CCPG1: variants seen among roughly 807,000 people sequenced by gnomAD.
CCPG1 encodes the protein cell cycle progression 1.
CCPG1 carries 46 observed loss-of-function variants against 81.3 expected under a neutral mutation model. The ratio of observed to expected loss-of-function variants is 0.57; its 90% CI spans 0.45 to 0.72. CCPG1 has a LOEUF of 0.72. CCPG1 is among the 30% of genes least tolerant of loss of function. CCPG1 has a pLI of 0.00. For synonymous variants in CCPG1, 330 were observed against 305.2 expected, an observed-to-expected ratio of 1.08 and a Z score of -0.85; for missense variants, 902 against 937.6, an observed-to-expected ratio of 0.96 and a Z score of 0.50.
chr15:55,367,448 T>C (rs971656479), intron 6 of CCPG1, among the ~76,000 whole-genome samples: 2 of 152,194 alleles, frequency 1.3e-5, no homozygotes, highest in African/African-American at 4.8e-5. Flanking sequence ...ATCCTCAAGA[T>C]ACAATCTTTG....
intron 1 of CCPG1, among the ~76,000 whole-genome samples, chr15:55,404,847 G>A (rs2057187215): frequency 1.3e-5 from 2 of 152,296 alleles, no homozygotes; most frequent in East Asian, 1.9e-4. Context: ...CCAGGCAACC[G>A]GATCACGCAT....
At position 55,365,316 on chromosome 15, in the gene CCPG1, T is replaced by C. The variant is rs1595824970; in HGVS notation, c.707-7A>G. ...TTCTGAATCTGAATTGTGCCTAAAA[T>C]AAATATTTTTATTAAAGGTATGTAA... On this transcript the variant is annotated splice_region_variant and splice_polypyrimidine_tract_variant and intron_variant, in intron 6 of 8. Coordinates refer to ENST00000442196, the MANE Select transcript of CCPG1 (RefSeq NM_001204450.2). The C allele has an allele frequency of 1.2e-5, 18 of 1,487,294 alleles. No individual in the cohort carries two copies. The East Asian group carries it at 4.1e-4, about 34-fold the overall frequency. The allele number at this position is 1,487,294 out of a possible 1,614,324, so 92.1% of individuals were successfully genotyped here.
chr15:55,399,417 CAAAA>C lies in CCPG1; in HGVS notation c.-10+8800_-10+8803del, dbSNP rs56191750. Among the ~76,000 whole-genome samples, 204 of 63,130 alleles carry C rather than the reference CAAAA, an allele frequency of 3.2e-3. 1 individual carries two copies. Among genetic ancestry groups the C allele is most frequent in the African/African-American group, 9.5e-3 (202 of 21,282 alleles). The allele number at this position is 63,130 out of a possible 152,430, so 41.4% of individuals were successfully genotyped here. A position where few individuals can be genotyped will look rare whatever the true frequency, so the allele number is the denominator to read the frequency against. On this transcript the variant is annotated intron_variant, in intron 1 of 8. Coordinates refer to ENST00000442196, the MANE Select transcript of CCPG1 (RefSeq NM_001204450.2). ...GCAAACCTCATCTCCACTAAAAATA[CAAAA>C]AAAAAAAAAAAAAAAAAACTAGCCG...
intron 3 of CCPG1, among the ~76,000 whole-genome samples, chr15:55,379,092 T>A (rs553406556): frequency 1.5e-5 from 2 of 133,554 alleles, no homozygotes; most frequent in South Asian, 4.7e-4. Flanking sequence ...TGGCTGTCAA[T>A]GCCTGGTACC....
intron 5 of CCPG1, chr15:55,373,150 G>A: frequency 4.9e-6 from 2 of 404,412 alleles, no homozygotes; most frequent in Non-Finnish European, 4.8e-6. Flanking sequence ...CAAATTCCCT[G>A]GAAAAAATCA....
intron 8 of CCPG1, 139 bp from the exon 9 acceptor site, chr15:55,356,548 A>C: frequency 8.1e-7 from 1 of 1,237,768 alleles, no homozygotes; most frequent in Non-Finnish European, 1.0e-6. Flanking sequence ...CAATCCTAGT[A>C]TATCCATATA....
At chr15:55,391,900 C>G (rs1436817202) in intron 1 of CCPG1, among the ~76,000 whole-genome samples, 5 of 88,938 alleles carry the variant, frequency 5.6e-5, no homozygotes, top group East Asian at 7.4e-4. Flanking sequence ...GGGGGGGGGG[C>G]TAGGTGTGGT....
At chr15:55,383,832 T>C (rs1412966612) in intron 3 of CCPG1, among the ~76,000 whole-genome samples, 1 of 152,376 alleles carries the variant, frequency 6.6e-6, no homozygotes, top group East Asian at 1.9e-4. Context: ...GATTAGGCTA[T>C]GGCTTAAGGG....
intron 6 of CCPG1, among the ~76,000 whole-genome samples, chr15:55,367,682 T>A (rs2056359788): frequency 6.6e-6 from 1 of 151,818 alleles, no homozygotes; most frequent in Admixed American, 6.6e-5. Context: ...TAGAACAAAT[T>A]TGGGTAAAAC....
chr15:55,369,281 A>C (rs2056397876), intron 6 of CCPG1, among the ~76,000 whole-genome samples: 1 of 152,078 alleles, frequency 6.6e-6, no homozygotes, highest in Non-Finnish European at 1.5e-5. Context: ...CACGCCTGTA[A>C]TCCCAGCACT....
At chr15:55,377,257 A>G in intron 4 of CCPG1, 107 bp from the exon 5 acceptor site, 10 of 752,332 alleles carry the variant, frequency 1.3e-5, no homozygotes, top group Non-Finnish European at 1.9e-5. Context: ...GAGTTAAAAT[A>G]AAAGATATGA....
rs2056174599 is a variant in CCPG1, at chr15:55,360,668, G to T, written c.1105C>A (p.Leu369Ile). ...EEEKQKKHSFLSQRETLLTEA... is the reference protein window; with the variant it reads ...EEEKQKKHSFISQRETLLTEA... The stretch of plus-strand genomic sequence containing the variant: ...GTCAACAGAGTCTCCCTTTGACTAA[G>T]AAAGCTGTGTTTTTTCTGCTTTTCC... Residue 369 changes from leucine (L) to isoleucine (I), a missense_variant, in exon 8 of 9, where the codon CTT (leucine) becomes ATT (isoleucine). Physicochemically the swap from Leu to Ile is conservative, Grantham distance 5. Transcript: ENST00000442196. The T allele has an allele frequency of 6.2e-7, 1 of 1,613,884 alleles. No homozygotes were observed. Among genetic ancestry groups the T allele is most frequent in the South Asian group, 1.1e-5 (1 of 91,054 alleles).
intron 1 of CCPG1, among the ~76,000 whole-genome samples, chr15:55,403,109 T>C (rs2057156788): frequency 6.6e-6 from 1 of 152,220 alleles, no homozygotes; most frequent in South Asian, 2.1e-4. Context: ...GTGCTTTATG[T>C]AAATGCACTT....
chr15:55,389,212 G>A (rs1488028742), intron 2 of CCPG1, among the ~76,000 whole-genome samples, 153 bp downstream of exon 2: 1 of 152,028 alleles, frequency 6.6e-6, no homozygotes, highest in Non-Finnish European at 1.5e-5. Context: ...CTCATGAAGC[G>A]TTTTCAGCAG....
At chr15:55,401,921 TTGC>T (rs2057137094) in intron 1 of CCPG1, among the ~76,000 whole-genome samples, 1 of 152,182 alleles carries the variant, frequency 6.6e-6, no homozygotes, top group Non-Finnish European at 1.5e-5. Context: ...AGTAATTTAA[TTGC>T]TGTCTTCTGA....
intron 8 of CCPG1, chr15:55,358,544 C>T (rs1053863235): frequency 2.7e-5 from 27 of 985,300 alleles, no homozygotes; most frequent in Non-Finnish European, 3.0e-5. Context: ...TCCAAATGAC[C>T]TTCCTTTTAA....
intron 7 of CCPG1, among the ~76,000 whole-genome samples, chr15:55,361,820 C>T (rs2056205349): frequency 6.6e-6 from 1 of 152,100 alleles, no homozygotes; most frequent in Non-Finnish European, 1.5e-5. Flanking sequence ...CAATCTTAGT[C>T]CTATTTGAAA....
intron 1 of CCPG1, among the ~76,000 whole-genome samples, chr15:55,402,226 T>C (rs560730701): frequency 3.3e-4 from 51 of 152,326 alleles, no homozygotes; most frequent in Admixed American, 1.1e-3. Context: ...ATGTCTTTAT[T>C]ATAGCTTTAT....
At chr15:55,369,105 C>A (rs1182457301) in intron 6 of CCPG1, among the ~76,000 whole-genome samples, 1 of 145,218 alleles carries the variant, frequency 6.9e-6, no homozygotes, top group Non-Finnish European at 1.5e-5. Flanking sequence ...GAGCAAGACT[C>A]TGTCTCAAAA....
Sources: allele counts gnomAD v4.1 joint callset (sites outside exome capture counted in the v4.1 genomes callset), GRCh38; gene constraint gnomAD v4.1.1; transcripts MANE v1.5; gene names NCBI Gene and HGNC (gene_info 2026-07-23, HGNC 2026-07-21).